Variants in DGKB observed in about 807,000 individuals in gnomAD.
The protein encoded by DGKB is 90 kDa diacylglycerol kinase.
DGKB carries 67 observed loss-of-function variants against 114.3 expected under a neutral mutation model. That is an observed-to-expected ratio of 0.59 (90% confidence interval 0.48 to 0.72). DGKB has a LOEUF of 0.72. DGKB is among the 30% of genes least tolerant of loss of function. DGKB has a pLI of 0.00. For missense variants in DGKB, 907 were observed against 975.2 expected (o/e 0.93, Z 0.93); for synonymous variants, 398 against 323.1 (o/e 1.23, Z -2.49).
chr7:14,753,695 C>G (rs1834444609), intron 4 of DGKB, among the ~76,000 whole-genome samples: 1 of 151,958 alleles, frequency 6.6e-6, no homozygotes, highest in Non-Finnish European at 1.5e-5. Context: ...CACTTGAGAC[C>G]CTTTTTGTCT....
chr7:14,555,193 A>G (rs2128654357), intron 20 of DGKB, among the ~76,000 whole-genome samples: 2 of 152,276 alleles, frequency 1.3e-5, no homozygotes, highest in Non-Finnish European at 2.9e-5. Flanking sequence ...CACTTCATTT[A>G]TTATGTATTG....
At chr7:14,769,257 AG>A (rs1837033850) in intron 2 of DGKB, among the ~76,000 whole-genome samples, 2 of 122,608 alleles carry the variant, frequency 1.6e-5, no homozygotes, top group Non-Finnish European at 3.1e-5. Context: ...AAAGAAAGAA[AG>A]AAAGAAAGAA....
chr7:14,916,699 G>A (rs1784254616), intron 1 of DGKB, among the ~76,000 whole-genome samples: 1 of 152,182 alleles, frequency 6.6e-6, no homozygotes. Flanking sequence ...TAGTTGGAAA[G>A]TTCAACACCT....
At chr7:14,464,713 A>C (rs903483153) in intron 21 of DGKB, among the ~76,000 whole-genome samples, 6 of 152,210 alleles carry the variant, frequency 3.9e-5, no homozygotes, top group African/African-American at 7.2e-5. Context: ...GAAGATGAGG[A>C]TCATAGAAAT....
intron 1 of DGKB, among the ~76,000 whole-genome samples, chr7:14,945,038 T>C (rs775245994): frequency 2.0e-5 from 3 of 151,802 alleles, no homozygotes; most frequent in Admixed American, 6.6e-5. Flanking sequence ...AAAGGACATA[T>C]ACATGTGTTT....
chr7:14,784,164 C>A (rs1562525648), intron 2 of DGKB, among the ~76,000 whole-genome samples: 1 of 151,672 alleles, frequency 6.6e-6, no homozygotes, highest in South Asian at 2.1e-4. Context: ...TTTTTTACTA[C>A]AATCTACTGA....
intron 13 of DGKB, among the ~76,000 whole-genome samples, chr7:14,641,497 GAAA>G (rs71004321): frequency 6.8e-6 from 1 of 147,404 alleles, no homozygotes; most frequent in African/African-American, 2.5e-5. Flanking sequence ...TCTCATTTTG[GAAA>G]AAAAAAAAAG....
intron 2 of DGKB, among the ~76,000 whole-genome samples, chr7:14,825,527 G>A (rs970859539): frequency 6.6e-6 from 1 of 152,040 alleles, no homozygotes; most frequent in Admixed American, 6.6e-5. Flanking sequence ...TTACAATAGG[G>A]TTTGTGCTCC....
chr7:14,636,230 C>A (rs1166159988), intron 13 of DGKB, among the ~76,000 whole-genome samples: 1 of 151,684 alleles, frequency 6.6e-6, no homozygotes, highest in Non-Finnish European at 1.5e-5. Flanking sequence ...TAATTGGGTC[C>A]AACGAACAAT....
chr7:14,767,408 A>G (rs1470582864), intron 2 of DGKB, among the ~76,000 whole-genome samples: 1 of 151,844 alleles, frequency 6.6e-6, no homozygotes, highest in Non-Finnish European at 1.5e-5. Flanking sequence ...AGTGGATATA[A>G]TAATAATGTT....
intron 21 of DGKB, among the ~76,000 whole-genome samples, chr7:14,355,975 C>T (rs542470800): frequency 9.9e-5 from 15 of 152,182 alleles, no homozygotes; most frequent in African/African-American, 2.9e-4. Context: ...TGTCTATTCA[C>T]GGATTTGACT....
chr7:14,276,705 T>C (rs926564649), intron 23 of DGKB, among the ~76,000 whole-genome samples: 6 of 152,006 alleles, frequency 3.9e-5, no homozygotes, highest in Admixed American at 3.3e-4. Flanking sequence ...ATTTAGCAAA[T>C]ATGTGAGCTA....
chr7:14,671,068 G>A (rs530659170), intron 13 of DGKB, among the ~76,000 whole-genome samples: 1 of 152,276 alleles, frequency 6.6e-6, no homozygotes, highest in East Asian at 1.9e-4. Flanking sequence ...GCAGGTGGCA[G>A]TTCTAGGTTT....
chr7:14,359,932 A>G (rs1815363414), intron 21 of DGKB, among the ~76,000 whole-genome samples: 1 of 152,150 alleles, frequency 6.6e-6, no homozygotes, highest in Non-Finnish European at 1.5e-5. Flanking sequence ...TAGCACTAGA[A>G]ATACCGTTTG....
At chr7:14,289,728 TAAATC>T (rs1410408064) in intron 23 of DGKB, among the ~76,000 whole-genome samples, 3 of 92,868 alleles carry the variant, frequency 3.2e-5, no homozygotes, top group Non-Finnish European at 4.4e-5. Flanking sequence ...AAGGCAAACA[TAAATC>T]AGACATGGAC....
intron 21 of DGKB, among the ~76,000 whole-genome samples, chr7:14,357,969 T>G (rs965019946): frequency 6.6e-6 from 1 of 152,222 alleles, no homozygotes; most frequent in Non-Finnish European, 1.5e-5. Flanking sequence ...CTGCTGTTAG[T>G]CTGATGGGCT....
At chr7:14,552,416 T>C (rs908941710) in intron 20 of DGKB, among the ~76,000 whole-genome samples, 16 of 152,182 alleles carry the variant, frequency 1.1e-4, no homozygotes, top group African/African-American at 3.9e-4. Context: ...AGTTAAGAAA[T>C]GTTTATTCAA....
intron 23 of DGKB, among the ~76,000 whole-genome samples, chr7:14,267,087 A>C (rs542722792): frequency 2.9e-4 from 44 of 152,326 alleles, no homozygotes; most frequent in African/African-American, 8.9e-4. Flanking sequence ...CTATGGTGTG[A>C]CAGATTAAAA....
At chr7:14,626,247 C>T (rs1403395273) in intron 14 of DGKB, among the ~76,000 whole-genome samples, 1 of 152,158 alleles carries the variant, frequency 6.6e-6, no homozygotes, top group African/African-American at 2.4e-5. Flanking sequence ...GTGATGATTA[C>T]CTCAAGAACA....
Sources: gnomAD v4.1 joint callset for allele counts (sites outside exome capture counted in the v4.1 genomes callset) on GRCh38, gnomAD v4.1.1 for gene constraint, MANE v1.5 for transcripts, NCBI Gene and HGNC (gene_info 2026-07-23, HGNC 2026-07-21) for gene names.